The following GPATCH8 variants were observed in gnomAD, a reference collection of about 807,000 sequenced individuals.
GPATCH8 encodes the protein G patch domain-containing protein 8.
Under a neutral mutation model 118.3 loss-of-function variants are expected in GPATCH8, and 18 were observed. That is an observed-to-expected ratio of 0.15 (90% CI 0.11 to 0.23). The LOEUF is 0.23. Ranked by LOEUF, GPATCH8 falls within the 10% of genes least tolerant of loss-of-function variation. The pLI is 1.00. For synonymous variants in GPATCH8, 659 were observed against 684.7 expected (o/e 0.96, Z 0.59); for missense variants, 1,631 against 1,873.8 (o/e 0.87, Z 2.39).
At chr17:44,435,215 A>G (rs1203125297) in intron 4 of GPATCH8, 64 bp from the exon 5 acceptor site, 1 of 812,914 alleles carries the variant, frequency 1.2e-6, no homozygotes, top group Admixed American at 1.8e-5. Context: ...GCTATGAAAA[A>G]GTTATTTGCA....
At chr17:44,463,132 C>T (rs965287576) in intron 3 of GPATCH8, among the ~76,000 whole-genome samples, 1 of 152,004 alleles carries the variant, frequency 6.6e-6, no homozygotes, top group Non-Finnish European at 1.5e-5. Context: ...CTCACCCAGG[C>T]TGGTTTTGAA....
chr17:44,492,752 T>C (rs1969356060), intron 1 of GPATCH8, among the ~76,000 whole-genome samples: 1 of 152,104 alleles, frequency 6.6e-6, no homozygotes, highest in Non-Finnish European at 1.5e-5. Context: ...TAGTCAACTT[T>C]TATAAAGGTG....
chr17:44,398,711 C>G lies in GPATCH8; in HGVS notation c.3366G>C (p.Lys1122Asn). 1 of 1,602,480 alleles carries G rather than the reference C, an allele frequency of 6.2e-7. No homozygotes were observed. The highest frequency in any genetic ancestry group is 8.5e-7 in the Non-Finnish European group (1 of 1,172,878). ...VQATPNKAGP[K>N]LKDPPQGYFG... ...AGTAACCTTGTGGGGGGTCCTTGAG[C>G]TTGGGCCCAGCTTTATTAGGGGTGG... is the stretch of plus-strand genomic sequence containing the variant. The change falls in exon 8 of 8, where the codon AAG becomes AAC. Residue 1122 changes from lysine (K) to asparagine (N), a missense_variant. Around this residue, in one of 8 missense-constraint regions of GPATCH8, gnomAD observed 922 missense variants for 879.7 expected, o/e 1.05. Transcript: ENST00000591680.
intron 1 of GPATCH8, 113 bp from the exon 2 acceptor site, chr17:44,475,016 A>T: frequency 2.9e-6 from 2 of 679,242 alleles, no homozygotes; most frequent in Non-Finnish European, 5.3e-6. Context: ...TTTAACCTAA[A>T]AGGACACTGC....
At chr17:44,453,500 GGTGTGTGTGTGT>G (rs56962134) in intron 3 of GPATCH8, among the ~76,000 whole-genome samples, 7 of 142,700 alleles carry the variant, frequency 4.9e-5, no homozygotes, top group Non-Finnish European at 7.6e-5. Flanking sequence ...GGTAGGTAGG[GGTGTGTGTGTGT>G]GTGTGTGTGT....
chr17:44,400,301 T>C lies in GPATCH8; in HGVS notation c.1776A>G (p.Pro592=), dbSNP rs2048967795. Residue 592 remains proline, a synonymous_variant, in exon 8 of 8, where the codon CCA becomes CCG. Transcript: ENST00000591680. The part of the protein sequence containing the change: ...KDARTKGTEK[P]KDIGSSSKDH... ...CCTTTGAGGAGCTTCCTATATCCTTTGGTTTTTCTGTTCCTTTAGTTCTGG... is the reference window on the plus strand; with the variant it reads ...CCTTTGAGGAGCTTCCTATATCCTTCGGTTTTTCTGTTCCTTTAGTTCTGG... The C allele has an allele frequency of 1.2e-6, 2 of 1,614,186 alleles. No homozygotes were observed. Among genetic ancestry groups the C allele is most frequent in the Non-Finnish European group, 1.7e-6 (2 of 1,179,992 alleles).
rs2049588166 is a variant in GPATCH8, at chr17:44,414,161, A to ATATATATGTGTATATATATATGTGTG, written c.493-8111_493-8110insCACACATATATATATACACATATATA. On this transcript the variant is annotated intron_variant, in intron 6 of 7. Transcript: ENST00000591680. Reference sequence around the variant, plus strand: ...TATATATGTGTATATATATATGTGTATATATATATATGAACATATACATAC... The same window carrying ATATATATGTGTATATATATATGTGTG: ...TATATATGTGTATATATATATGTGTATATATATGTGTATATATATATGTGTGTATATATATATGAACATATACATAC... Among the ~76,000 whole-genome samples, 4 of 145,800 alleles carry ATATATATGTGTATATATATATGTGTG rather than the reference A, an allele frequency of 2.7e-5. No individual in the cohort carries two copies. In the East Asian group the frequency reaches 7.9e-4, roughly 29 times the overall value.
chr17:44,491,507 A>C (rs1969242739), intron 1 of GPATCH8, among the ~76,000 whole-genome samples: 1 of 151,862 alleles, frequency 6.6e-6, no homozygotes, highest in African/African-American at 2.4e-5. Context: ...AAAAAAAAAA[A>C]ATTCTTACAA....
At chr17:44,501,739 C>G (rs1276529233) in intron 1 of GPATCH8, among the ~76,000 whole-genome samples, 1 of 152,168 alleles carries the variant, frequency 6.6e-6, no homozygotes, top group Non-Finnish European at 1.5e-5. Context: ...TGACAGTCAT[C>G]TTCCCTCAAA....
At chr17:44,463,595 T>G (rs541470844) in intron 3 of GPATCH8, among the ~76,000 whole-genome samples, 1 of 152,338 alleles carries the variant, frequency 6.6e-6, no homozygotes, top group South Asian at 2.1e-4. Context: ...TTGGCCAGGC[T>G]GGTCTTGAAT....
chr17:44,453,998 A>T lies in GPATCH8; in HGVS notation c.193+10474T>A, dbSNP rs114648026. Among the ~76,000 whole-genome samples, 954 of 152,306 alleles carry T rather than the reference A, an allele frequency of 6.3e-3. 3 individuals carry two copies. Among genetic ancestry groups the T allele is most frequent in the African/African-American group, 0.021 (893 of 41,566 alleles). ...ATAAAATCCACTACACCATGGACATAATCTGCTCCAATTAGCCACACCTAC... is the reference window on the plus strand; with the variant it reads ...ATAAAATCCACTACACCATGGACATTATCTGCTCCAATTAGCCACACCTAC... On this transcript the variant is annotated intron_variant, in intron 3 of 7. Coordinates refer to ENST00000591680, the MANE Select transcript of GPATCH8 (RefSeq NM_001002909.4).
At chr17:44,449,704 C>T (rs982043007) in intron 3 of GPATCH8, among the ~76,000 whole-genome samples, 11 of 151,300 alleles carry the variant, frequency 7.3e-5, no homozygotes, top group Non-Finnish European at 7.4e-5. Context: ...TTAGTAGAGA[C>T]GGGGTTTCTC....
At chr17:44,416,152 C>T (rs2049674335) in intron 6 of GPATCH8, among the ~76,000 whole-genome samples, 1 of 152,290 alleles carries the variant, frequency 6.6e-6, no homozygotes, top group Non-Finnish European at 1.5e-5. Flanking sequence ...CAGGCGTGTG[C>T]CACCACGCCC....
At chr17:44,488,445 T>G (rs1208709388) in intron 1 of GPATCH8, among the ~76,000 whole-genome samples, 1 of 151,754 alleles carries the variant, frequency 6.6e-6, no homozygotes, top group Non-Finnish European at 1.5e-5. Context: ...CTCGGCTCAC[T>G]GCAACCTTCG....
At chr17:44,461,432 C>A (rs1264532852) in intron 3 of GPATCH8, among the ~76,000 whole-genome samples, 2 of 152,010 alleles carry the variant, frequency 1.3e-5, no homozygotes, top group Non-Finnish European at 2.9e-5. Context: ...AATCCTTCTG[C>A]CTCAGCTTCC....
At position 44,400,276 on chromosome 17, in the gene GPATCH8, C is replaced by A. The variant is rs2048966248; in HGVS notation, c.1801G>T (p.Asp601Tyr). The A allele has an allele frequency of 6.2e-7, 1 of 1,614,026 alleles. No homozygotes were observed. The highest frequency in any genetic ancestry group is 8.5e-7 in the Non-Finnish European group (1 of 1,179,914). ...KPKDIGSSSKDHLQGLDPGEP... is the reference protein window; with the variant it reads ...KPKDIGSSSKYHLQGLDPGEP... Reference sequence around the variant, plus strand: ...CCAGGATCTAGGCCTTGGAGATGGTCCTTTGAGGAGCTTCCTATATCCTTT... The same window carrying A: ...CCAGGATCTAGGCCTTGGAGATGGTACTTTGAGGAGCTTCCTATATCCTTT... Residue 601 changes from aspartate (D) to tyrosine (Y), a missense_variant, in exon 8 of 8, where the codon GAC (aspartate) becomes TAC (tyrosine). By Grantham distance (160) the Asp-to-Tyr change is radical (BLOSUM62 -3). Coordinates refer to ENST00000591680, the MANE Select transcript of GPATCH8 (RefSeq NM_001002909.4).
At chr17:44,454,594 ATTTAT>A (rs1365383194) in intron 3 of GPATCH8, among the ~76,000 whole-genome samples, 3 of 151,956 alleles carry the variant, frequency 2.0e-5, no homozygotes, top group African/African-American at 7.2e-5. Flanking sequence ...TCATCTTTAT[ATTTAT>A]TTTAATTTTT....
At chr17:44,416,960 T>C (rs2049708737) in intron 6 of GPATCH8, among the ~76,000 whole-genome samples, 1 of 152,212 alleles carries the variant, frequency 6.6e-6, no homozygotes, top group Non-Finnish European at 1.5e-5. Context: ...ACTACAGGTA[T>C]TTTAGCAGAA....
intron 7 of GPATCH8, among the ~76,000 whole-genome samples, 159 bp from the exon 8 acceptor site, chr17:44,401,612 T>C (rs1216905290): frequency 1.3e-5 from 2 of 152,198 alleles, no homozygotes; most frequent in Non-Finnish European, 2.9e-5. Context: ...TACTAACAAA[T>C]GCGACTTTCT....
Sources: allele counts gnomAD v4.1 joint callset (sites outside exome capture counted in the v4.1 genomes callset), GRCh38; gene constraint gnomAD v4.1.1; regional missense constraint gnomAD v4.1.1; transcripts MANE v1.5; gene names NCBI Gene and HGNC (gene_info 2026-07-23, HGNC 2026-07-21).